DCHS2: variants seen among roughly 807,000 people sequenced by gnomAD.
DCHS2 encodes protocadherin-23.
Under a neutral mutation model 182.4 loss-of-function variants are expected in DCHS2, and 142 were observed. The observed-to-expected ratio is 0.78, with a 90% CI of 0.68 to 0.89. The LOEUF is 0.89. Among genes scored for constraint, DCHS2 ranks in the 40% least tolerant of loss-of-function variants. The pLI, the probability that DCHS2 is intolerant of heterozygous loss-of-function variation, is 0.00. For synonymous variants in DCHS2, 1,740 were observed against 1,663.3 expected (o/e 1.05, Z -1.12); for missense variants, 4,319 against 4,198.6 (o/e 1.03, Z -0.79).
At chr4:154,465,076 G>C (rs1247465505) in intron 1 of DCHS2, among the ~76,000 whole-genome samples, 1 of 152,152 alleles carries the variant, frequency 6.6e-6, no homozygotes, top group Non-Finnish European at 1.5e-5. Context: ...AAATTTAGTG[G>C]CTTAAAACAA....
In DCHS2 at chr4:154,332,486, G is replaced by A. The variant is rs771651469; in HGVS notation, c.3722C>T (p.Pro1241Leu). 8.1e-6 allele frequency: 13 copies of A among 1,611,454 alleles called. No homozygotes were observed. The Admixed American group carries it at 1.7e-4, about 21-fold the overall frequency. ...LSDGKFFKMN[P>L]NTGELINWVA... ...AAACTATGAAGTGCTACCTGTATTA[G>A]GATTCATCTTGAAGAATTTTCCATC... The change falls in exon 5 of 20, where the codon CCT becomes CTT. Residue 1241 changes from proline to leucine, a missense_variant. By Grantham distance (98) the Pro-to-Leu change is moderately conservative (BLOSUM62 -3). Coordinates refer to ENST00000357232, the MANE Select transcript of DCHS2 (RefSeq NM_001358235.2).
chr4:154,290,987 A>G (rs1471717551), intron 13 of DCHS2, among the ~76,000 whole-genome samples: 3 of 152,068 alleles, frequency 2.0e-5, no homozygotes, highest in Admixed American at 6.6e-5. Flanking sequence ...AAAGAATCAG[A>G]AAAGTGAAGC....
At position 154,491,041 on chromosome 4, in the gene DCHS2, C is replaced by T; in HGVS notation, c.315G>A (p.Glu105=). ...CCAGCAGCGGGGAGTCATCGGAGTC[C>T]TCCGACAGAAAGAAGCCGCTCCCCT... ...QQEGSGFFLS[E]DSDDSPLLDD... is the part of the protein sequence containing the mutation. The change falls in exon 1 of 20, where the codon GAG becomes GAA. Residue 105 remains glutamate (E), a synonymous_variant. Transcript: ENST00000357232. 1 of 1,551,156 alleles carries T rather than the reference C, an allele frequency of 6.4e-7. No homozygotes were observed. The highest frequency in any genetic ancestry group is 8.7e-7 in the Non-Finnish European group (1 of 1,146,880).
At position 154,239,192 on chromosome 4, in the gene DCHS2, T is replaced by C; in HGVS notation, c.7470A>G (p.Glu2490=). 6.2e-7 allele frequency: 1 copy of C among 1,612,840 alleles called. No homozygotes were observed. Among genetic ancestry groups the C allele is most frequent in the South Asian group, 1.1e-5 (1 of 90,970 alleles). ...CACCATTCTTAGGATCAATGGAGAA[T>C]TCCTTAGAAGAGGATAGAATTCTGT... ...ISYRILSSSK[E]FSIDPKNGTI... is the part of the protein sequence containing the mutation. The change falls in exon 19 of 20, where the codon GAA becomes GAG. Residue 2490 remains glutamate, a synonymous_variant. Coordinates refer to ENST00000357232, the MANE Select transcript of DCHS2 (RefSeq NM_001358235.2).
chr4:154,283,801 A>G (rs1361781634), intron 13 of DCHS2, among the ~76,000 whole-genome samples: 1 of 152,064 alleles, frequency 6.6e-6, no homozygotes, highest in African/African-American at 2.4e-5. Flanking sequence ...GGTGCTGCCA[A>G]TTTTCCCTCA....
chr4:154,245,567 AT>A (rs943924215), intron 16 of DCHS2, among the ~76,000 whole-genome samples: 1 of 152,150 alleles, frequency 6.6e-6, no homozygotes, highest in African/African-American at 2.4e-5. Flanking sequence ...GAAAAAAAAA[AT>A]ATCAGCCACC....
At chr4:154,477,444 G>A (rs901933557) in intron 1 of DCHS2, among the ~76,000 whole-genome samples, 3 of 152,150 alleles carry the variant, frequency 2.0e-5, no homozygotes, top group African/African-American at 2.4e-5. Context: ...CTGAGAAAAA[G>A]CACGGTGCCT....
intron 2 of DCHS2, among the ~76,000 whole-genome samples, chr4:154,375,456 A>G (rs1244020052): frequency 1.3e-5 from 2 of 152,112 alleles, no homozygotes; most frequent in African/African-American, 4.8e-5. Context: ...CCAAAAATAT[A>G]AAGAACTCAT....
chr4:154,324,252 G>A (rs548580810), intron 7 of DCHS2, among the ~76,000 whole-genome samples: 1 of 152,074 alleles, frequency 6.6e-6, no homozygotes, highest in African/African-American at 2.4e-5. Context: ...CAAACATTGG[G>A]ATCTTCTTAA....
chr4:154,335,572 C>G (rs1007440634), intron 3 of DCHS2, among the ~76,000 whole-genome samples: 1 of 152,168 alleles, frequency 6.6e-6, no homozygotes, highest in Non-Finnish European at 1.5e-5. Context: ...ACTGCCAGCT[C>G]TCCTGGCTCA....
Position 154,340,513 on chromosome 4 carries a change from C to T in DCHS2, c.2477-5409G>A, listed in dbSNP as rs527882106. Among the ~76,000 whole-genome samples, 32 of 152,228 alleles carry T rather than the reference C, an allele frequency of 2.1e-4. No individual in the cohort carries two copies. In the East Asian group the frequency reaches 5.4e-3, roughly 26 times the overall value. ...TGTCTAATTATAGCCCCTCCAAATCCCCAAACTGGCATTTTTAATTGAGAC... is the reference window on the plus strand; with the variant it reads ...TGTCTAATTATAGCCCCTCCAAATCTCCAAACTGGCATTTTTAATTGAGAC... On this transcript the variant is annotated intron_variant, in intron 3 of 19. Coordinates refer to ENST00000357232, the MANE Select transcript of DCHS2 (RefSeq NM_001358235.2).
At chr4:154,265,552 G>A (rs995504054) in intron 14 of DCHS2, among the ~76,000 whole-genome samples, 1 of 152,198 alleles carries the variant, frequency 6.6e-6, no homozygotes, top group Non-Finnish European at 1.5e-5. Context: ...GCCAAGGCAA[G>A]GAGATTGCTC....
intron 1 of DCHS2, among the ~76,000 whole-genome samples, chr4:154,476,684 G>C (rs551732183): frequency 6.6e-6 from 1 of 152,144 alleles, no homozygotes; most frequent in South Asian, 2.1e-4. Context: ...GATGGGTAAG[G>C]TCTCTGCCAT....
At chr4:154,333,692 T>G (rs939159494) in intron 4 of DCHS2, 198 bp from the exon 5 acceptor site, 13 of 629,244 alleles carry the variant, frequency 2.1e-5, no homozygotes, top group African/African-American at 2.0e-4. Flanking sequence ...ACATAAATCC[T>G]TACCATTGGG....
intron 15 of DCHS2, 37 bp from the exon 16 acceptor site, chr4:154,255,707 T>C (rs762076948): frequency 6.3e-7 from 1 of 1,598,520 alleles, no homozygotes; most frequent in Non-Finnish European, 8.5e-7. Flanking sequence ...ATAAGATTTA[T>C]TCTGCAATAT....
chr4:154,267,941 G>C (rs865800664), intron 14 of DCHS2, among the ~76,000 whole-genome samples: 3 of 152,126 alleles, frequency 2.0e-5, no homozygotes, highest in Admixed American at 1.3e-4. Flanking sequence ...CCTTCATAGA[G>C]GGCTCAATGC....
At chr4:154,239,748 A>T (rs1422124934) in intron 18 of DCHS2, among the ~76,000 whole-genome samples, 1 of 152,176 alleles carries the variant, frequency 6.6e-6, no homozygotes, top group African/African-American at 2.4e-5. Flanking sequence ...ATCTCAGGTG[A>T]TCCGCCCACC....
At chr4:154,431,679 C>G (rs80054457) in intron 1 of DCHS2, among the ~76,000 whole-genome samples, 3 of 152,226 alleles carry the variant, frequency 2.0e-5, no homozygotes, top group African/African-American at 7.2e-5. Flanking sequence ...GATTCTTGTC[C>G]CATGAGGACA....
chr4:154,279,968 C>T (rs1463534731), intron 13 of DCHS2, among the ~76,000 whole-genome samples: 2 of 151,298 alleles, frequency 1.3e-5, no homozygotes, highest in East Asian at 1.9e-4. Context: ...ATTGGCAAAG[C>T]CTTAGCTAGA....
Sources: gnomAD v4.1 joint callset for allele counts (sites outside exome capture counted in the v4.1 genomes callset) on GRCh38, gnomAD v4.1.1 for gene constraint, MANE v1.5 for transcripts, NCBI Gene and HGNC (gene_info 2026-07-23, HGNC 2026-07-21) for gene names.